Variants in CSGALNACT2 observed in about 807,000 individuals in gnomAD.
CSGALNACT2 encodes the protein chondroitin sulfate N-acetylgalactosaminyltransferase 2, also known as beta 4 GalNAcT-2.
Under a neutral mutation model 55.3 loss-of-function variants are expected in CSGALNACT2, and 35 were observed. That is an observed-to-expected ratio of 0.63 (90% CI 0.48 to 0.84). The LOEUF is 0.84. CSGALNACT2 is among the 40% of genes least tolerant of loss of function. The pLI is 0.00. For missense variants in CSGALNACT2, 544 were observed against 657.5 expected (o/e 0.83, Z 1.89); for synonymous variants, 196 against 224.9 (o/e 0.87, Z 1.15).
At chr10:43,142,226 T>TTATG (rs1838644268) in intron 1 of CSGALNACT2, among the ~76,000 whole-genome samples, 2 of 152,124 alleles carry the variant, frequency 1.3e-5, no homozygotes, top group African/African-American at 4.8e-5. Flanking sequence ...ATTTATTTAT[T>TTATG]TTTGAGACAG....
intron 1 of CSGALNACT2, among the ~76,000 whole-genome samples, chr10:43,146,467 T>G (rs1039324645): frequency 6.6e-6 from 1 of 152,192 alleles, no homozygotes; most frequent in Non-Finnish European, 1.5e-5. Flanking sequence ...GGTCTACCCC[T>G]CCCAGTCCAC....
chr10:43,183,121 G>T (rs1839622802), intron 7 of CSGALNACT2, 129 bp from the exon 8 acceptor site: 3 of 709,786 alleles, frequency 4.2e-6, no homozygotes, highest in African/African-American at 3.6e-5. Context: ...TCCATGCCAG[G>T]TGTCTCGTGC....
Position 43,183,516 on chromosome 10 carries a change from A to G in CSGALNACT2, c.1603A>G (p.Arg535Gly). 2.5e-6 allele frequency: 4 copies of G among 1,614,074 alleles called. No homozygotes were observed. The highest frequency in any genetic ancestry group is 3.4e-6 in the Non-Finnish European group (4 of 1,179,902). ...GACGCATCTTCATAAACAGGCATAC[A>G]GGACAAACAGTGAAGCTGTTGGTTG... ...IETHLHKQAYRTNSEAVG is the reference protein window; with the variant it reads ...IETHLHKQAYGTNSEAVG The change falls in exon 8 of 8, where the codon AGG becomes GGG. Residue 535 changes from arginine (R) to glycine (G), a missense_variant. Arg to Gly is a moderately radical substitution (Grantham distance 125). This residue lies in a region of CSGALNACT2 where 170 missense variants were observed against 256.2 expected (regional missense o/e 0.66). Coordinates refer to ENST00000374466, the MANE Select transcript of CSGALNACT2 (RefSeq NM_018590.5).
intron 7 of CSGALNACT2, among the ~76,000 whole-genome samples, chr10:43,180,970 G>C (rs1278728896): frequency 6.6e-6 from 1 of 152,174 alleles, no homozygotes; most frequent in Non-Finnish European, 1.5e-5. Context: ...CCTAAGGACA[G>C]GCTTTGTTAA....
At chr10:43,161,797 C>A (rs758949203) in intron 4 of CSGALNACT2, among the ~76,000 whole-genome samples, 1 of 152,152 alleles carries the variant, frequency 6.6e-6, no homozygotes. Context: ...TAGTTAGTTC[C>A]TACTTAATTC....
intron 4 of CSGALNACT2, chr10:43,163,201 A>C: frequency 1.0e-6 from 1 of 985,140 alleles, no homozygotes; most frequent in Non-Finnish European, 1.2e-6. Flanking sequence ...CATCTTCTCT[A>C]ACTACTCCAG....
chr10:43,171,185 T>C (rs1421133412), intron 6 of CSGALNACT2, among the ~76,000 whole-genome samples: 3 of 152,200 alleles, frequency 2.0e-5, no homozygotes, highest in Non-Finnish European at 1.5e-5. Flanking sequence ...TAGGGGAAGC[T>C]AAAACTGGAT....
At chr10:43,143,033 G>C (rs1209174582) in intron 1 of CSGALNACT2, among the ~76,000 whole-genome samples, 1 of 152,146 alleles carries the variant, frequency 6.6e-6, no homozygotes, top group Non-Finnish European at 1.5e-5. Flanking sequence ...CTCTAAGGTA[G>C]GTTCTGTAAT....
At position 43,155,039 on chromosome 10, in the gene CSGALNACT2, C is replaced by A; in HGVS notation, c.-111C>A. The A allele has an allele frequency of 2.2e-6, 2 of 906,056 alleles. No individual in the cohort carries two copies. The highest frequency in any genetic ancestry group is 3.3e-6 in the Non-Finnish European group (2 of 597,970). 56.1% of individuals were successfully genotyped at this position (906,056 alleles called of 1,614,324 possible). A position where few individuals can be genotyped will look rare whatever the true frequency, so the allele number is the denominator to read the frequency against. On this transcript the variant is annotated 5_prime_UTR_variant, in exon 2 of 8. Coordinates refer to ENST00000374466, the MANE Select transcript of CSGALNACT2 (RefSeq NM_018590.5). Reference sequence around the variant, plus strand: ...AAGAAAGAAAAACTTAAAGCTACGGCAGAATTATTTTATGGAAATTCTGAT... The same window carrying A: ...AAGAAAGAAAAACTTAAAGCTACGGAAGAATTATTTTATGGAAATTCTGAT...
At chr10:43,139,579 C>A (rs1332663571) in intron 1 of CSGALNACT2, among the ~76,000 whole-genome samples, 1 of 152,150 alleles carries the variant, frequency 6.6e-6, no homozygotes, top group Non-Finnish European at 1.5e-5. Context: ...TACTTATTAC[C>A]CTGTGGAACC....
chr10:43,148,368 T>C (rs1341505085), intron 1 of CSGALNACT2, among the ~76,000 whole-genome samples: 2 of 152,214 alleles, frequency 1.3e-5, no homozygotes, highest in African/African-American at 2.4e-5. Context: ...TTATTTGGGT[T>C]ATTCTGGGTT....
At chr10:43,142,080 G>A (rs1214633862) in intron 1 of CSGALNACT2, among the ~76,000 whole-genome samples, 2 of 152,276 alleles carry the variant, frequency 1.3e-5, no homozygotes, top group African/African-American at 4.8e-5. Flanking sequence ...TTTTTAAAGT[G>A]TAAAAATTTT....
chr10:43,140,635 G>A (rs1180721093), intron 1 of CSGALNACT2, among the ~76,000 whole-genome samples: 1 of 152,148 alleles, frequency 6.6e-6, no homozygotes, highest in African/African-American at 2.4e-5. Context: ...TCAAGTTAGT[G>A]GTTTTTTAGA....
intron 4 of CSGALNACT2, 175 bp from the exon 5 acceptor site, chr10:43,163,691 C>G: frequency 1.0e-6 from 1 of 985,368 alleles, no homozygotes; most frequent in Admixed American, 6.1e-5. Flanking sequence ...TGGTGAATAT[C>G]TCTCCCTGAT....
At chr10:43,165,717 G>A (rs1295622921) in intron 5 of CSGALNACT2, among the ~76,000 whole-genome samples, 2 of 152,176 alleles carry the variant, frequency 1.3e-5, no homozygotes, top group African/African-American at 2.4e-5. Flanking sequence ...GAGGCTGGGC[G>A]TGGTGGTTCA....
intron 7 of CSGALNACT2, among the ~76,000 whole-genome samples, chr10:43,178,659 T>C (rs1839530739): frequency 6.6e-6 from 1 of 151,804 alleles, no homozygotes; most frequent in South Asian, 2.1e-4. Context: ...GTAAATACTA[T>C]GTAAATAGTT....
At chr10:43,141,293 C>T (rs1234901553) in intron 1 of CSGALNACT2, among the ~76,000 whole-genome samples, 1 of 151,984 alleles carries the variant, frequency 6.6e-6, no homozygotes, top group Non-Finnish European at 1.5e-5. Flanking sequence ...TCTCGGCTTA[C>T]TGCGAGCTCC....
intron 6 of CSGALNACT2, among the ~76,000 whole-genome samples, chr10:43,168,158 A>G (rs1839306827): frequency 6.6e-6 from 1 of 152,234 alleles, no homozygotes; most frequent in African/African-American, 2.4e-5. Context: ...TATGAATAAA[A>G]GAGGTGCAAG....
At chr10:43,138,998 C>T (rs1033045504) in intron 1 of CSGALNACT2, among the ~76,000 whole-genome samples, 2 of 151,996 alleles carry the variant, frequency 1.3e-5, no homozygotes, top group African/African-American at 2.4e-5. Context: ...GAGCCTCTGG[C>T]GTTGTCGGAG....
Sources: allele counts gnomAD v4.1 joint callset (sites outside exome capture counted in the v4.1 genomes callset), GRCh38; gene constraint gnomAD v4.1.1; regional missense constraint gnomAD v4.1.1; transcripts MANE v1.5; gene names NCBI Gene and HGNC (gene_info 2026-07-23, HGNC 2026-07-21).